The following RBFOX1 variants were observed in gnomAD, a reference collection of about 807,000 sequenced individuals.
RBFOX1 encodes RNA binding fox-1 homolog 1.
RBFOX1 carries 8 observed loss-of-function variants against 57.7 expected under a neutral mutation model. The ratio of observed to expected loss-of-function variants is 0.14; its 90% CI spans 0.08 to 0.25. RBFOX1 has a LOEUF of 0.25. RBFOX1 is among the 10% of genes least tolerant of loss of function. The pLI is 1.00. For synonymous variants in RBFOX1, 326 were observed against 222.4 expected (o/e 1.47, Z -4.15); for missense variants, 611 against 548.5 (o/e 1.11, Z -1.14).
At chr16:6,816,425 T>A (rs1285908730) in intron 3 of RBFOX1, among the ~76,000 whole-genome samples, 2 of 149,782 alleles carry the variant, frequency 1.3e-5, no homozygotes, top group South Asian at 4.3e-4. Context: ...TCATGTAATT[T>A]TTTTTTTTTT....
intron 3 of RBFOX1, among the ~76,000 whole-genome samples, chr16:6,809,182 G>T (rs1253254073): frequency 6.6e-6 from 1 of 152,108 alleles, no homozygotes; most frequent in Non-Finnish European, 1.5e-5. Flanking sequence ...CCCTTTTTCT[G>T]TCTATGAATT....
intron 4 of RBFOX1, among the ~76,000 whole-genome samples, chr16:7,134,078 C>G (rs1270841268): frequency 1.3e-5 from 2 of 152,142 alleles, no homozygotes; most frequent in Non-Finnish European, 2.9e-5. Flanking sequence ...CACGTTAGCA[C>G]TTGGCAGTTT....
intron 13 of RBFOX1, among the ~76,000 whole-genome samples, chr16:7,675,349 G>A (rs1468658192): frequency 6.6e-6 from 1 of 151,892 alleles, no homozygotes; most frequent in Non-Finnish European, 1.5e-5. Flanking sequence ...AACACCAGGT[G>A]GCATCTGGCT....
chr16:7,651,258 T>G (rs909318505), intron 11 of RBFOX1, among the ~76,000 whole-genome samples: 1 of 152,172 alleles, frequency 6.6e-6, no homozygotes, highest in African/African-American at 2.4e-5. Flanking sequence ...TGGTCTTCAC[T>G]TTGGTCGGGT....
At chr16:7,321,069 A>G (rs529956519) in intron 4 of RBFOX1, among the ~76,000 whole-genome samples, 12 of 150,482 alleles carry the variant, frequency 8.0e-5, no homozygotes, top group South Asian at 6.3e-4. Flanking sequence ...CTATCTGTCT[A>G]TCTATACGTA....
At chr16:6,362,035 T>A (rs752472538) in intron 2 of RBFOX1, among the ~76,000 whole-genome samples, 29 of 152,292 alleles carry the variant, frequency 1.9e-4, no homozygotes, top group Middle Eastern at 3.4e-3. Context: ...TATGTTCTAG[T>A]GTCCTGAAGC....
At chr16:7,676,704 G>T in intron 13 of RBFOX1, 70 bp from the exon 14 acceptor site, 2 of 1,328,900 alleles carry the variant, frequency 1.5e-6, no homozygotes, top group African/African-American at 1.4e-5. Flanking sequence ...CTCTGGTGTG[G>T]TCTTGCCACT....
At chr16:5,853,680 A>T (rs1053223831) in intron 3 of RBFOX1, among the ~76,000 whole-genome samples, 14 of 152,248 alleles carry the variant, frequency 9.2e-5, no homozygotes, top group Non-Finnish European at 1.9e-4. Flanking sequence ...CAGGATGTGA[A>T]GTCCTGTAGA....
intron 3 of RBFOX1, among the ~76,000 whole-genome samples, chr16:7,001,517 C>G (rs909282818): frequency 6.6e-6 from 1 of 152,060 alleles, no homozygotes; most frequent in Admixed American, 6.6e-5. Context: ...AGTACAGTTG[C>G]ATGATCTCAA....
At chr16:7,673,517 G>A (rs182484753) in intron 13 of RBFOX1, among the ~76,000 whole-genome samples, 3 of 152,108 alleles carry the variant, frequency 2.0e-5, no homozygotes, top group Non-Finnish European at 2.9e-5. Flanking sequence ...CAGCAGCCTA[G>A]GCAACATAGT....
chr16:6,433,497 T>G (rs1012682786), intron 2 of RBFOX1, among the ~76,000 whole-genome samples: 1 of 152,234 alleles, frequency 6.6e-6, no homozygotes, highest in African/African-American at 2.4e-5. Context: ...AGACTCGCTA[T>G]TCTCAGAATT....
chr16:5,598,204 A>C (rs2047250373), intron 2 of RBFOX1, among the ~76,000 whole-genome samples: 1 of 150,614 alleles, frequency 6.6e-6, no homozygotes, highest in African/African-American at 2.5e-5. Context: ...AGGTTGAGTG[A>C]CAGAGGGAGA....
intron 4 of RBFOX1, among the ~76,000 whole-genome samples, chr16:7,490,190 T>TC (rs1053981253): frequency 2.6e-5 from 4 of 152,166 alleles, no homozygotes; most frequent in South Asian, 2.1e-4. Flanking sequence ...TTTGACGTTT[T>TC]CCCCCCCTTG....
At chr16:7,422,173 C>T (rs1340314531) in intron 4 of RBFOX1, among the ~76,000 whole-genome samples, 1 of 152,022 alleles carries the variant, frequency 6.6e-6, no homozygotes, top group Non-Finnish European at 1.5e-5. Flanking sequence ...CGTGTGTGTG[C>T]GTGTGCTTGT....
chr16:5,706,520 C>T (rs899011260), intron 3 of RBFOX1, among the ~76,000 whole-genome samples: 1 of 152,112 alleles, frequency 6.6e-6, no homozygotes, highest in Admixed American at 6.5e-5. Flanking sequence ...GAAAGTTAGT[C>T]ATTAAAAATT....
rs567225384 is a variant in RBFOX1 at position 6,247,384 on chromosome 16, A to G, written c.-126-69611A>G. Among the ~76,000 whole-genome samples, 4 of 152,286 alleles carry G rather than the reference A, an allele frequency of 2.6e-5. No homozygotes were observed. The South Asian group carries it at 8.3e-4, about 32-fold the overall frequency. ...TGGTCACATGTGTGATTTGGACCCT[A>G]TTACATCAACCATAAAATGATTGAA... On this transcript the variant is annotated intron_variant, in intron 1 of 15. Transcript: ENST00000550418.
At chr16:7,388,657 T>TTA (rs2097925869) in intron 4 of RBFOX1, among the ~76,000 whole-genome samples, 1 of 149,518 alleles carries the variant, frequency 6.7e-6, no homozygotes, top group Non-Finnish European at 1.5e-5. Context: ...TTTTTTTTTT[T>TTA]TTTTTTTTTT....
chr16:5,771,203 T>C (rs1026477063), intron 3 of RBFOX1, among the ~76,000 whole-genome samples: 3 of 152,260 alleles, frequency 2.0e-5, no homozygotes, highest in East Asian at 1.9e-4. Flanking sequence ...CATAGGCAGA[T>C]AGCATTTGTG....
chr16:6,869,965 C>T lies in RBFOX1; in HGVS notation c.-15-182092C>T, dbSNP rs191156218. On this transcript the variant is annotated intron_variant, in intron 3 of 15. Transcript: ENST00000550418. ...GGGGACTGCTTACTAATCTTAGGAC[C>T]TATAAAATAAGGGATCAAAGGTAAC... 9.7e-4 allele frequency among the ~76,000 whole-genome samples: 148 copies of T among 152,204 alleles called. 1 individual carries two copies. Among genetic ancestry groups the T allele is most frequent in the African/African-American group, 3.4e-3 (143 of 41,532 alleles).
Sources: allele counts gnomAD v4.1 joint callset (sites outside exome capture counted in the v4.1 genomes callset), GRCh38; gene constraint gnomAD v4.1.1; transcripts MANE v1.5; gene names NCBI Gene and HGNC (gene_info 2026-07-23, HGNC 2026-07-21).